The following STON1 variants were observed in gnomAD, a reference collection of about 807,000 sequenced individuals.
STON1 encodes stonin 1, also known as stonin-1.
STON1 carries 79 observed loss-of-function variants against 60.9 expected under a neutral mutation model. That is an observed-to-expected ratio of 1.30 (90% confidence interval 1.08 to 1.56). The LOEUF (loss-of-function observed/expected upper bound fraction) is 1.56, where lower values mean the gene tolerates loss of function less well. Among genes scored for constraint, STON1 ranks in the 40% most tolerant of loss-of-function variants. The probability of loss-of-function intolerance (pLI) is 0.00; values close to 1 mark genes in which losing one functional copy is unlikely to be tolerated. For missense variants in STON1, 1,166 were observed against 858.9 expected (o/e 1.36, Z -4.47); for synonymous variants, 363 against 306.9 (o/e 1.18, Z -1.91).
chr2:48,543,865 G>T (rs748674994), intron 1 of STON1, among the ~76,000 whole-genome samples: 6 of 152,122 alleles, frequency 3.9e-5, no homozygotes, highest in Non-Finnish European at 7.4e-5. Context: ...ACCCCAGAGA[G>T]ACTATGTAAC....
chr2:48,564,996 G>T (rs1672874251), intron 1 of STON1, among the ~76,000 whole-genome samples: 1 of 144,024 alleles, frequency 6.9e-6, no homozygotes, highest in African/African-American at 2.6e-5. Flanking sequence ...GCCTTCCAAA[G>T]TGCTGGGATT....
At chr2:48,558,342 A>T (rs998786340) in intron 1 of STON1, among the ~76,000 whole-genome samples, 1 of 152,226 alleles carries the variant, frequency 6.6e-6, no homozygotes, top group Non-Finnish European at 1.5e-5. Flanking sequence ...AGAAGCAAAC[A>T]TGCTGTTGTT....
intron 1 of STON1, among the ~76,000 whole-genome samples, chr2:48,538,838 G>A (rs957114875): frequency 2.4e-4 from 35 of 143,374 alleles, no homozygotes; most frequent in African/African-American, 8.3e-4. Flanking sequence ...GGCTGGTCTC[G>A]AACTTCTGGC....
At position 48,581,291 on chromosome 2, in the gene STON1, A is replaced by G; in HGVS notation, c.658A>G (p.Ser220Gly). The G allele has an allele frequency of 6.6e-7, 1 of 1,521,358 alleles. No individual in the cohort carries two copies. The highest frequency in any genetic ancestry group is 8.8e-7 in the Non-Finnish European group (1 of 1,138,390). 94.2% of individuals were successfully genotyped at this position (1,521,358 alleles called of 1,614,324 possible). Residue 220 changes from serine (S) to glycine (G), a missense_variant, in exon 2 of 4, where the codon AGC becomes GGC. Transcript: ENST00000404752. ...RNKEMPIDQK[S>G]LNKCSLNYIC... The stretch of plus-strand genomic sequence containing the variant: ...CAAGGAGATGCCTATTGACCAAAAA[A>G]GCCTAAATAAGTGTTCACTCAACTA...
At chr2:48,564,483 C>CTTGT (rs1558604823) in intron 1 of STON1, among the ~76,000 whole-genome samples, 1 of 26,406 alleles carries the variant, frequency 3.8e-5, no homozygotes, top group African/African-American at 1.5e-4. Context: ...CTTCTTCTTT[C>CTTGT]TTCTTCTTCT....
At chr2:48,568,371 G>A (rs1245507148) in intron 1 of STON1, among the ~76,000 whole-genome samples, 1 of 152,130 alleles carries the variant, frequency 6.6e-6, no homozygotes, top group Non-Finnish European at 1.5e-5. Flanking sequence ...CATCTAATCT[G>A]ACTTCAACAA....
At chr2:48,580,340 C>T (rs1673801919) in intron 1 of STON1, among the ~76,000 whole-genome samples, 1 of 152,152 alleles carries the variant, frequency 6.6e-6, no homozygotes, top group South Asian at 2.1e-4. Context: ...GCTACTCCTG[C>T]TCTCTCTTGG....
intron 1 of STON1, among the ~76,000 whole-genome samples, chr2:48,541,699 C>CAAAA (rs71399061): frequency 9.9e-5 from 6 of 60,672 alleles, no homozygotes; most frequent in East Asian, 6.2e-4. Flanking sequence ...AACTTCGTCT[C>CAAAA]AAAAAAAAAA....
chr2:48,551,038 T>TA (rs201451175), intron 1 of STON1, among the ~76,000 whole-genome samples: 2 of 151,472 alleles, frequency 1.3e-5, no homozygotes, highest in Non-Finnish European at 3.0e-5. Flanking sequence ...TTATTATTAT[T>TA]TTTTCAACTT....
intron 1 of STON1, among the ~76,000 whole-genome samples, chr2:48,567,569 G>A (rs535272424): frequency 7.2e-4 from 109 of 152,226 alleles, no homozygotes; most frequent in Admixed American, 2.4e-3. Context: ...CCACCACCGT[G>A]CCCGGCTAAT....
chr2:48,593,217 G>C lies in STON1; in HGVS notation c.2133+1362G>C, dbSNP rs191305961. Among the ~76,000 whole-genome samples, 611 of 152,212 alleles carry C rather than the reference G, an allele frequency of 4.0e-3. 5 individuals are homozygous for C. Among genetic ancestry groups the C allele is most frequent in the African/African-American group, 0.013 (548 of 41,534 alleles). ...TGCAACCTCCGCTTCCTAGGTTCAA[G>C]TAATTCTCCTGCCTCAGCCTCCCGA... On this transcript the variant is annotated intron_variant, in intron 3 of 3. Transcript: ENST00000404752.
At chr2:48,583,779 G>A (rs1674040700) in intron 2 of STON1, among the ~76,000 whole-genome samples, 1 of 146,014 alleles carries the variant, frequency 6.8e-6, no homozygotes. Flanking sequence ...TTGAGATGGA[G>A]TCTCGCTTTC....
At chr2:48,575,967 A>G (rs1673469252) in intron 1 of STON1, among the ~76,000 whole-genome samples, 1 of 151,498 alleles carries the variant, frequency 6.6e-6, no homozygotes, top group Non-Finnish European at 1.5e-5. Flanking sequence ...CATGTTGGCT[A>G]GGCTGGTCTT....
At chr2:48,531,444 G>C (rs1671207922) in intron 1 of STON1, 1 of 152,210 alleles carries the variant, frequency 6.6e-6, no homozygotes, top group Non-Finnish European at 1.5e-5. Context: ...GAATTGTTTA[G>C]TTCATTTGTG....
At chr2:48,576,808 C>G (rs568588346) in intron 1 of STON1, among the ~76,000 whole-genome samples, 1 of 152,240 alleles carries the variant, frequency 6.6e-6, no homozygotes, top group South Asian at 2.1e-4. Flanking sequence ...GTAATCCCAG[C>G]ATTTTGGAGG....
At chr2:48,550,455 C>G (rs990191657) in intron 1 of STON1, among the ~76,000 whole-genome samples, 7 of 150,642 alleles carry the variant, frequency 4.6e-5, no homozygotes, top group African/African-American at 1.7e-4. Flanking sequence ...TGAGATTGCA[C>G]CATTGCACTC....
intron 1 of STON1, among the ~76,000 whole-genome samples, chr2:48,557,042 C>G (rs1672396349): frequency 9.7e-6 from 1 of 103,378 alleles, no homozygotes; most frequent in Non-Finnish European, 2.1e-5. Context: ...CACCTCCCTC[C>G]CGGATGGGGC....
intron 1 of STON1, among the ~76,000 whole-genome samples, chr2:48,564,526 TTCTTCTTCTTCTTCTTCTTCTTCTTC>T (rs1672814288): frequency 2.3e-5 from 1 of 42,882 alleles, no homozygotes; most frequent in Non-Finnish European, 4.7e-5. Flanking sequence ...CTTCTTCTTC[TTCTTCTTCTTCTTCTTCTTCTTCTTC>T]TTCTTCTTCT....
chr2:48,547,632 G>C (rs569728233), intron 1 of STON1, among the ~76,000 whole-genome samples: 2 of 152,338 alleles, frequency 1.3e-5, no homozygotes, highest in African/African-American at 4.8e-5. Context: ...TGCTCTCAGG[G>C]AAGACTTCCA....
Sources: gnomAD v4.1 joint callset for allele counts (sites outside exome capture counted in the v4.1 genomes callset) on GRCh38, gnomAD v4.1.1 for gene constraint, MANE v1.5 for transcripts, NCBI Gene and HGNC (gene_info 2026-07-23, HGNC 2026-07-21) for gene names.